The following FHIT variants were observed in gnomAD, a reference collection of about 807,000 sequenced individuals.
FHIT encodes the protein bis(5'-adenosyl)-triphosphatase.
FHIT carries 19 observed loss-of-function variants against 17.9 expected under a neutral mutation model. That is an observed-to-expected ratio of 1.06 (90% CI 0.74 to 1.56). The LOEUF is 1.56. Ranked by LOEUF, FHIT falls within the 40% of genes most tolerant of loss-of-function variation. The pLI, the probability that FHIT is intolerant of heterozygous loss-of-function variation, is 0.00. For missense variants in FHIT, 248 were observed against 189.2 expected, an observed-to-expected ratio of 1.31 and a Z score of -1.82; for synonymous variants, 81 against 69.7, an observed-to-expected ratio of 1.16 and a Z score of -0.81.
intron 3 of FHIT, among the ~76,000 whole-genome samples, chr3:60,843,754 G>A (rs1702822745): frequency 6.6e-6 from 1 of 152,146 alleles, no homozygotes. Flanking sequence ...CTTTTTCTCT[G>A]TGTTAATGAA....
In FHIT at chr3:60,621,144, ATTT is replaced by A. The variant is rs11370683; in HGVS notation, c.-17-84168_-17-84166del. On this transcript the variant is annotated intron_variant, in intron 4 of 9. Coordinates refer to ENST00000492590, the MANE Select transcript of FHIT (RefSeq NM_002012.4). ...TATTTATGCTTCCAGTCTACTTTTG[ATTT>A]TTTTTTTTTTTTTTTTTTTGAGATG... Among the ~76,000 whole-genome samples the A allele has an allele frequency of 8.7e-3, 830 of 95,072 alleles. 3 individuals carry two copies. The highest frequency in any genetic ancestry group is 0.019 in the Admixed American group (149 of 7,772). The allele number at this position is 95,072 out of a possible 152,430, so 62.4% of individuals were successfully genotyped here. A position where few individuals can be genotyped will look rare whatever the true frequency, so the allele number is the denominator to read the frequency against.
intron 8 of FHIT, among the ~76,000 whole-genome samples, chr3:59,865,138 A>G (rs1702586175): frequency 6.6e-6 from 1 of 152,252 alleles, no homozygotes; most frequent in East Asian, 1.9e-4. Flanking sequence ...AAAAGAAAAA[A>G]ATTAAACCAA....
intron 5 of FHIT, among the ~76,000 whole-genome samples, chr3:60,341,052 T>A (rs557641322): frequency 6.6e-6 from 1 of 152,220 alleles, no homozygotes; most frequent in African/African-American, 2.4e-5. Flanking sequence ...ATATGATACC[T>A]CCATATTTGG....
chr3:60,985,394 G>GTAA (rs1430888413), intron 3 of FHIT, among the ~76,000 whole-genome samples: 1 of 151,944 alleles, frequency 6.6e-6, no homozygotes, highest in African/African-American at 2.4e-5. Flanking sequence ...CCTCCTTCTG[G>GTAA]TAATAATATT....
intron 7 of FHIT, among the ~76,000 whole-genome samples, chr3:59,976,169 G>A (rs931813593): frequency 6.6e-6 from 1 of 152,038 alleles, no homozygotes; most frequent in East Asian, 1.9e-4. Flanking sequence ...GATGCTGTCT[G>A]GGGGGTAAAG....
In FHIT at chr3:60,753,410, G is replaced by C. The variant is rs566259045; in HGVS notation, c.-18+68509C>G. 2.2e-4 allele frequency among the ~76,000 whole-genome samples: 34 copies of C among 152,246 alleles called. 1 individual carries two copies. The highest frequency in any genetic ancestry group is 8.2e-4 in the African/African-American group (34 of 41,540). ...AACAATCACAAAAAGGGAGAGAAAT[G>C]GCTGGCAGAGCAGAGGGCGGATCCA... On this transcript the variant is annotated intron_variant, in intron 4 of 9. Coordinates refer to ENST00000492590, the MANE Select transcript of FHIT (RefSeq NM_002012.4).
At chr3:59,858,496 G>T (rs1264487537) in intron 8 of FHIT, among the ~76,000 whole-genome samples, 1 of 152,060 alleles carries the variant, frequency 6.6e-6, no homozygotes, top group African/African-American at 2.4e-5. Context: ...AAAGTGCTGG[G>T]ATTACAGGTG....
intron 5 of FHIT, among the ~76,000 whole-genome samples, chr3:60,465,730 T>G (rs2032751341): frequency 6.6e-6 from 1 of 152,134 alleles, no homozygotes; most frequent in African/African-American, 2.4e-5. Flanking sequence ...GGGTCCTCTA[T>G]AGTGTTCCAT....
chr3:61,062,858 G>A (rs2034474742), intron 2 of FHIT, among the ~76,000 whole-genome samples: 2 of 152,114 alleles, frequency 1.3e-5, no homozygotes, highest in Admixed American at 6.6e-5. Flanking sequence ...CTAGCTCCAC[G>A]GGATACATAG....
chr3:59,945,746 C>G (rs963783537), intron 7 of FHIT, among the ~76,000 whole-genome samples: 1 of 152,160 alleles, frequency 6.6e-6, no homozygotes, highest in African/African-American at 2.4e-5. Context: ...TTTCAGTCTT[C>G]TGCATATGGC....
At chr3:60,001,892 A>G (rs1008459276) in intron 7 of FHIT, among the ~76,000 whole-genome samples, 4 of 152,156 alleles carry the variant, frequency 2.6e-5, no homozygotes, top group South Asian at 2.1e-4. Flanking sequence ...ACGAATTTAA[A>G]CGCAAATAAA....
intron 5 of FHIT, among the ~76,000 whole-genome samples, chr3:60,198,659 C>G (rs561719301): frequency 7.2e-5 from 11 of 152,256 alleles, no homozygotes; most frequent in Middle Eastern, 3.4e-3. Context: ...TGCAAAATAC[C>G]ATCACCGTCA....
Position 59,855,296 on chromosome 3 carries a change from A to G in FHIT, c.348+67050T>C, listed in dbSNP as rs549472172. On this transcript the variant is annotated intron_variant, in intron 8 of 9. Transcript: ENST00000492590. The stretch of plus-strand genomic sequence containing the variant: ...AGCTTTGACCCTCATAATGACCCCC[A>G]TCTATCCATGTTGTCCTCCCCCATT... Among the ~76,000 whole-genome samples, 4 of 152,300 alleles carry G rather than the reference A, an allele frequency of 2.6e-5. No homozygotes were observed. The South Asian group carries it at 8.3e-4, about 32-fold the overall frequency.
At chr3:60,922,991 A>G (rs1553768777) in intron 3 of FHIT, among the ~76,000 whole-genome samples, 1 of 152,262 alleles carries the variant, frequency 6.6e-6, no homozygotes, top group African/African-American at 2.4e-5. Flanking sequence ...TTAAGCAAAT[A>G]CGCAGTAAAC....
At chr3:60,799,523 C>T (rs1553731606) in intron 4 of FHIT, among the ~76,000 whole-genome samples, 1 of 152,142 alleles carries the variant, frequency 6.6e-6, no homozygotes, top group African/African-American at 2.4e-5. Flanking sequence ...TTGTTCTTCC[C>T]TATCTTCCAA....
At chr3:60,578,908 A>G (rs1286616667) in intron 4 of FHIT, among the ~76,000 whole-genome samples, 1 of 152,168 alleles carries the variant, frequency 6.6e-6, no homozygotes, top group Non-Finnish European at 1.5e-5. Flanking sequence ...GTCTTCTTTT[A>G]TATACCATGT....
intron 3 of FHIT, among the ~76,000 whole-genome samples, chr3:60,955,218 T>C (rs568278271): frequency 2.5e-4 from 38 of 152,058 alleles, no homozygotes; most frequent in Non-Finnish European, 5.4e-4. Flanking sequence ...AGGAATATTA[T>C]ATAGCAGTGA....
At chr3:59,931,828 A>T (rs951598421) in intron 7 of FHIT, among the ~76,000 whole-genome samples, 1 of 152,154 alleles carries the variant, frequency 6.6e-6, no homozygotes. Flanking sequence ...AGGGATGGTG[A>T]TCTCCTGATA....
At chr3:60,725,246 T>C (rs2041894141) in intron 4 of FHIT, among the ~76,000 whole-genome samples, 2 of 152,216 alleles carry the variant, frequency 1.3e-5, no homozygotes, top group East Asian at 1.9e-4. Context: ...GGGTTAGTTT[T>C]ATTATTTCAA....
Sources: gnomAD v4.1 joint callset for allele counts (sites outside exome capture counted in the v4.1 genomes callset) on GRCh38, gnomAD v4.1.1 for gene constraint, MANE v1.5 for transcripts, NCBI Gene and HGNC (gene_info 2026-07-23, HGNC 2026-07-21) for gene names.